Variants in DRD2 observed in about 807,000 individuals in gnomAD.
DRD2 encodes the protein dopamine receptor D2.
DRD2 carries 8 observed loss-of-function variants against 38.0 expected under a neutral mutation model. That is an observed-to-expected ratio of 0.21 (90% confidence interval 0.12 to 0.38). The LOEUF (loss-of-function observed/expected upper bound fraction) is 0.38. Ranked by LOEUF, DRD2 falls within the 10% of genes least tolerant of loss-of-function variation. The pLI, the probability that DRD2 is intolerant of heterozygous loss-of-function variation, is 1.00. For synonymous variants in DRD2, 230 were observed against 238.6 expected (o/e 0.96, Z 0.33); for missense variants, 403 against 607.7 (o/e 0.66, Z 3.54).
intron 1 of DRD2, among the ~76,000 whole-genome samples, chr11:113,449,158 C>T: frequency 6.6e-6 from 1 of 152,156 alleles, no homozygotes; most frequent in East Asian, 1.9e-4. Flanking sequence ...TCCCCTCATC[C>T]TCCTTTGAAT....
At chr11:113,415,008 G>T (rs57837178) in intron 5 of DRD2, among the ~76,000 whole-genome samples, 2,097 of 152,256 alleles carry the variant, frequency 0.014, 58 homozygotes, top group African/African-American at 0.047. Context: ...TGGAGAGGAA[G>T]TCAGGAAAAG....
chr11:113,413,669 C>T (rs1395566118), intron 6 of DRD2, among the ~76,000 whole-genome samples: 2 of 152,196 alleles, frequency 1.3e-5, no homozygotes, highest in Non-Finnish European at 2.9e-5. Context: ...AGGCAGGACA[C>T]CAGACCTGGA....
At chr11:113,467,246 T>G (rs1021354996) in intron 1 of DRD2, among the ~76,000 whole-genome samples, 22 of 152,172 alleles carry the variant, frequency 1.4e-4, no homozygotes, top group African/African-American at 5.1e-4. Context: ...TATTCTACCA[T>G]AGCTAAATGG....
chr11:113,454,533 G>C (rs981540946), intron 1 of DRD2, among the ~76,000 whole-genome samples: 9 of 152,148 alleles, frequency 5.9e-5, no homozygotes, highest in Admixed American at 2.6e-4. Context: ...TTGTGTCCCA[G>C]TGGGCTTGAT....
chr11:113,443,493 C>T (rs1951112123), intron 1 of DRD2, among the ~76,000 whole-genome samples: 1 of 152,240 alleles, frequency 6.6e-6, no homozygotes, highest in African/African-American at 2.4e-5. Context: ...TAGTGACCTC[C>T]AAGTTTTGGG....
At chr11:113,442,583 C>T (rs1486141307) in intron 1 of DRD2, among the ~76,000 whole-genome samples, 3 of 152,142 alleles carry the variant, frequency 2.0e-5, no homozygotes, top group Admixed American at 2.0e-4. Context: ...TCTGGAGGCC[C>T]CTGTTTCTTC....
intron 5 of DRD2, 52 bp downstream of exon 5, chr11:113,415,369 T>A: frequency 6.4e-7 from 1 of 1,559,832 alleles, no homozygotes; most frequent in Non-Finnish European, 8.7e-7. Context: ...TGAGCCCTCT[T>A]GGTAATGGTT....
At chr11:113,454,058 T>A (rs2119925537) in intron 1 of DRD2, among the ~76,000 whole-genome samples, 1 of 152,294 alleles carries the variant, frequency 6.6e-6, no homozygotes, top group South Asian at 2.1e-4. Context: ...GGCTGGTGGG[T>A]GGCTCACTCT....
chr11:113,421,487 G>C (rs913358146), intron 2 of DRD2, among the ~76,000 whole-genome samples: 19 of 152,154 alleles, frequency 1.2e-4, no homozygotes, highest in African/African-American at 4.6e-4. Context: ...TCCTTAAAGG[G>C]TTGTGAGGCT....
intron 6 of DRD2, among the ~76,000 whole-genome samples, chr11:113,413,113 C>T (rs112767770): frequency 9.5e-4 from 145 of 152,328 alleles, no homozygotes; most frequent in African/African-American, 3.1e-3. Context: ...AGCCTCAATA[C>T]CCCACTTCTG....
chr11:113,413,337 G>A (rs759972959), intron 6 of DRD2: 24 of 528,952 alleles, frequency 4.5e-5, no homozygotes, highest in South Asian at 3.2e-4. Context: ...ATGGGTACCT[G>A]CACCTGCGTA....
At chr11:113,457,750 T>C (rs1006768885) in intron 1 of DRD2, among the ~76,000 whole-genome samples, 1 of 152,280 alleles carries the variant, frequency 6.6e-6, no homozygotes, top group Non-Finnish European at 1.5e-5. Flanking sequence ...TTGGAAATTA[T>C]GGGCTGTCCG....
chr11:113,435,281 C>G (rs1206711957), intron 1 of DRD2, among the ~76,000 whole-genome samples: 1 of 146,018 alleles, frequency 6.8e-6, no homozygotes, highest in Non-Finnish European at 1.5e-5. Context: ...TCCTCATAAA[C>G]TGTCAAAGTG....
intron 1 of DRD2, among the ~76,000 whole-genome samples, chr11:113,444,502 G>T (rs1420734114): frequency 6.6e-6 from 1 of 152,154 alleles, no homozygotes; most frequent in Admixed American, 6.5e-5. Flanking sequence ...GAATATGAGG[G>T]CTTCTGCTGT....
chr11:113,413,283 C>T, intron 6 of DRD2: 1 of 554,158 alleles, frequency 1.8e-6, no homozygotes, highest in Non-Finnish European at 3.5e-6. Flanking sequence ...AGGGTGCCCA[C>T]CCCTGTTCTC....
chr11:113,429,995 A>G (rs1392691810), intron 1 of DRD2, among the ~76,000 whole-genome samples: 1 of 152,260 alleles, frequency 6.6e-6, no homozygotes, highest in East Asian at 1.9e-4. Flanking sequence ...ACAAGCAATC[A>G]GACCACAAGC....
chr11:113,470,951 G>A (rs1951418316), intron 1 of DRD2, among the ~76,000 whole-genome samples: 1 of 152,214 alleles, frequency 6.6e-6, no homozygotes, highest in Admixed American at 6.5e-5. Flanking sequence ...AAGAGGCTGT[G>A]CCTTCCAAGG....
chr11:113,416,787 C>T, intron 4 of DRD2, 76 bp downstream of exon 4: 2 of 1,573,232 alleles, frequency 1.3e-6, no homozygotes, highest in Non-Finnish European at 1.7e-6. Flanking sequence ...GCCAGGGACT[C>T]TGCTCCCTCA....
chr11:113,433,337 C>T (rs1565667945), intron 1 of DRD2, among the ~76,000 whole-genome samples: 2 of 152,188 alleles, frequency 1.3e-5, no homozygotes, highest in Non-Finnish European at 2.9e-5. Flanking sequence ...AGGGGAAGGG[C>T]TCCTCCTTCT....
Sources: allele counts gnomAD v4.1 joint callset (sites outside exome capture counted in the v4.1 genomes callset), GRCh38; gene constraint gnomAD v4.1.1; transcripts MANE v1.5; gene names NCBI Gene and HGNC (gene_info 2026-07-23, HGNC 2026-07-21).